The following MARCHF3 variants were observed in gnomAD, a reference collection of about 807,000 sequenced individuals.
MARCHF3 encodes the protein membrane associated ring-CH-type finger 3.
MARCHF3 carries 13 observed loss-of-function variants against 24.2 expected under a neutral mutation model. That is an observed-to-expected ratio of 0.54 (90% CI 0.35 to 0.85). The LOEUF is 0.85. MARCHF3 is among the 40% of genes least tolerant of loss of function. The probability of loss-of-function intolerance (pLI) is 0.01; values close to 1 mark genes in which losing one functional copy is unlikely to be tolerated. For synonymous variants in MARCHF3, 144 were observed against 137.3 expected (o/e 1.05, Z -0.34); for missense variants, 276 against 325.0 (o/e 0.85, Z 1.16).
chr5:126,908,039 T>C (rs1754367166), intron 3 of MARCHF3, among the ~76,000 whole-genome samples: 1 of 152,140 alleles, frequency 6.6e-6, no homozygotes, highest in South Asian at 2.1e-4. Flanking sequence ...CTCTCAGCAT[T>C]TGCTTGTCTG....
chr5:126,964,113 T>C (rs541083573), intron 1 of MARCHF3, among the ~76,000 whole-genome samples: 1 of 152,340 alleles, frequency 6.6e-6, no homozygotes, highest in South Asian at 2.1e-4. Flanking sequence ...TACTTCACCC[T>C]AACACTGCCA....
intron 1 of MARCHF3, among the ~76,000 whole-genome samples, chr5:127,005,300 T>A (rs1561469448): frequency 6.6e-6 from 1 of 152,046 alleles, no homozygotes; most frequent in African/African-American, 2.4e-5. Flanking sequence ...CACGCCTAGC[T>A]AATTTTTATA....
At position 126,878,268 on chromosome 5, in the gene MARCHF3, G is replaced by T; in HGVS notation, c.520C>A (p.Leu174Met). ...GCTTCCAGCCGACTACTAAAGTGCAGGTGGTCCACGGCGCCCCGCAGGCAC... is the reference window on the plus strand; with the variant it reads ...GCTTCCAGCCGACTACTAAAGTGCATGTGGTCCACGGCGCCCCGCAGGCAC... ...WLCLRGAVDH[L>M]HFSSRLEAVG... Residue 174 changes from leucine to methionine, a missense_variant, in exon 4 of 5, where the codon CTG becomes ATG. Physicochemically the swap from Leu to Met is conservative, Grantham distance 15. Coordinates refer to ENST00000308660, the MANE Select transcript of MARCHF3 (RefSeq NM_178450.5). 6.2e-7 allele frequency: 1 copy of T among 1,614,274 alleles called. No homozygotes were observed. The highest frequency in any genetic ancestry group is 8.5e-7 in the Non-Finnish European group (1 of 1,180,056).
chr5:126,987,814 C>T (rs750494532), intron 1 of MARCHF3, among the ~76,000 whole-genome samples: 7 of 152,132 alleles, frequency 4.6e-5, no homozygotes, highest in Non-Finnish European at 1.0e-4. Flanking sequence ...ACTGTGGGTA[C>T]CCCTCACTCT....
At chr5:126,967,927 A>G (rs1330245895) in intron 1 of MARCHF3, among the ~76,000 whole-genome samples, 1 of 152,116 alleles carries the variant, frequency 6.6e-6, no homozygotes, top group Non-Finnish European at 1.5e-5. Context: ...ATTCCAGGGC[A>G]TTATCATCAC....
chr5:126,898,730 A>T, intron 3 of MARCHF3: 1 of 402,672 alleles, frequency 2.5e-6, no homozygotes, highest in Non-Finnish European at 3.4e-6. Context: ...TGCTGCTCCT[A>T]CGTGCCAGCA....
chr5:126,932,131 G>A (rs1749497432), intron 1 of MARCHF3, among the ~76,000 whole-genome samples: 1 of 152,242 alleles, frequency 6.6e-6, no homozygotes, highest in East Asian at 1.9e-4. Context: ...AGGGTGCCCT[G>A]TTGCTTTTGC....
At chr5:126,960,503 T>C (rs1434061096) in intron 1 of MARCHF3, among the ~76,000 whole-genome samples, 1 of 152,120 alleles carries the variant, frequency 6.6e-6, no homozygotes, top group East Asian at 1.9e-4. Context: ...ATAAATCTTA[T>C]TCCTGTTTAA....
At chr5:126,950,074 A>AT (rs1027632343) in intron 1 of MARCHF3, among the ~76,000 whole-genome samples, 6 of 151,998 alleles carry the variant, frequency 3.9e-5, no homozygotes, top group African/African-American at 1.2e-4. Flanking sequence ...GATCCTACCC[A>AT]TTTTTTGCTT....
chr5:127,016,422 AAAC>A (rs1383978539), intron 1 of MARCHF3, among the ~76,000 whole-genome samples: 2 of 152,330 alleles, frequency 1.3e-5, no homozygotes, highest in East Asian at 3.9e-4. Flanking sequence ...TACAAGAAAA[AAAC>A]AACCTCATCA....
At chr5:126,987,296 G>T (rs1448148901) in intron 1 of MARCHF3, among the ~76,000 whole-genome samples, 1 of 152,028 alleles carries the variant, frequency 6.6e-6, no homozygotes, top group African/African-American at 2.4e-5. Flanking sequence ...AATAATACAG[G>T]GTGTACTTAA....
chr5:126,913,492 A>G (rs527350138), intron 3 of MARCHF3, among the ~76,000 whole-genome samples: 2 of 152,250 alleles, frequency 1.3e-5, no homozygotes, highest in South Asian at 2.1e-4. Context: ...TTAAATCCCA[A>G]TGAATCTGGC....
At chr5:126,953,765 T>G (rs113631598) in intron 1 of MARCHF3, among the ~76,000 whole-genome samples, 3,406 of 152,258 alleles carry the variant, frequency 0.022, 112 homozygotes, top group African/African-American at 0.078. Flanking sequence ...TGGGAAATGT[T>G]CTATTATCTC....
intron 1 of MARCHF3, among the ~76,000 whole-genome samples, chr5:126,919,683 G>A (rs1015687658): frequency 3.3e-5 from 5 of 152,120 alleles, no homozygotes; most frequent in Admixed American, 2.6e-4. Context: ...TTTCCCTCCC[G>A]ACACGCACAT....
At chr5:127,026,705 A>G (rs1309654184) in intron 1 of MARCHF3, among the ~76,000 whole-genome samples, 1 of 152,172 alleles carries the variant, frequency 6.6e-6, no homozygotes, top group African/African-American at 2.4e-5. Flanking sequence ...TGTGAAAGAC[A>G]AGATCTAAAT....
At chr5:127,019,549 G>A (rs954707566) in intron 1 of MARCHF3, among the ~76,000 whole-genome samples, 37 of 152,172 alleles carry the variant, frequency 2.4e-4, no homozygotes, top group African/African-American at 8.9e-4. Context: ...ATCTTGGAAC[G>A]GGGGCAGCTA....
At chr5:126,957,728 CT>C (rs751034902) in intron 1 of MARCHF3, among the ~76,000 whole-genome samples, 1 of 151,994 alleles carries the variant, frequency 6.6e-6, no homozygotes, top group Non-Finnish European at 1.5e-5. Flanking sequence ...TTTTTAATAA[CT>C]GGTAGAGGAA....
chr5:126,946,790 G>GTGTGTGTGTGTGTC (rs1322874849), intron 1 of MARCHF3, among the ~76,000 whole-genome samples: 9 of 151,514 alleles, frequency 5.9e-5, no homozygotes, highest in Admixed American at 2.6e-4. Flanking sequence ...GTGTGTGTGT[G>GTGTGTGTGTGTGTC]TGTGTGTCTG....
chr5:126,893,126 G>A (rs376311347), intron 3 of MARCHF3, among the ~76,000 whole-genome samples: 25 of 151,766 alleles, frequency 1.6e-4, no homozygotes, highest in East Asian at 3.9e-4. Context: ...CTGTGGGATC[G>A]GTGGTGATAT....
Sources: allele counts gnomAD v4.1 joint callset (sites outside exome capture counted in the v4.1 genomes callset), GRCh38; gene constraint gnomAD v4.1.1; transcripts MANE v1.5; gene names NCBI Gene and HGNC (gene_info 2026-07-23, HGNC 2026-07-21).